YAP1: variants seen among roughly 807,000 people sequenced by gnomAD.
YAP1 encodes the protein Yes1 associated transcriptional regulator, also known as transcriptional coactivator YAP1.
A neutral mutation model predicts 56.9 loss-of-function variants in YAP1; 5 were observed. The ratio of observed to expected loss-of-function variants is 0.09; its 90% CI spans 0.05 to 0.18. The LOEUF is 0.18. Among genes scored for constraint, YAP1 ranks in the 10% least tolerant of loss-of-function variants. The pLI, the probability that YAP1 is intolerant of heterozygous loss-of-function variation, is 1.00. For synonymous variants in YAP1, 265 were observed against 248.1 expected (o/e 1.07, Z -0.64); for missense variants, 539 against 651.8 (o/e 0.83, Z 1.88).
At position 102,229,767 on chromosome 11, in the gene YAP1, A is replaced by T. The variant is rs1308456720; in HGVS notation, c.1342A>T (p.Ile448Phe). The change falls in exon 9 of 9, where the codon ATT (isoleucine) becomes TTT (phenylalanine). Residue 448 changes from isoleucine to phenylalanine, a missense_variant. By Grantham distance (21) the Ile-to-Phe change is conservative. This residue lies in a region of YAP1 where 414 missense variants were observed against 512.4 expected (regional missense o/e 0.81). Coordinates refer to ENST00000282441, the MANE Select transcript of YAP1 (RefSeq NM_001130145.3). Reference protein sequence around the residue: ...QNRFPDYLEAIPGTNVDLGTL... With the variant: ...QNRFPDYLEAFPGTNVDLGTL... ...CCGTTTCCCAGACTACCTTGAAGCCATTCCTGGGACAAATGTGGACCTTGG... is the reference window on the plus strand; with the variant it reads ...CCGTTTCCCAGACTACCTTGAAGCCTTTCCTGGGACAAATGTGGACCTTGG... The T allele has an allele frequency of 6.2e-7, 1 of 1,614,176 alleles. No homozygotes were observed. Among genetic ancestry groups the T allele is most frequent in the Non-Finnish European group, 8.5e-7 (1 of 1,180,016 alleles).
At chr11:102,136,118 C>T (rs1565444668) in intron 2 of YAP1, among the ~76,000 whole-genome samples, 1 of 152,284 alleles carries the variant, frequency 6.6e-6, no homozygotes, top group East Asian at 1.9e-4. Flanking sequence ...GGTACTTTTG[C>T]TGGTCTTCTG....
At chr11:102,134,435 C>T (rs1944553007) in intron 2 of YAP1, among the ~76,000 whole-genome samples, 1 of 149,332 alleles carries the variant, frequency 6.7e-6, no homozygotes, top group Admixed American at 6.7e-5. Context: ...GTACTTTGTC[C>T]TAATATGCTA....
Position 102,162,541 on chromosome 11 carries a change from G to A in YAP1, c.658G>A (p.Val220Met). 6.2e-7 allele frequency: 1 copy of A among 1,614,230 alleles called. No homozygotes were observed. The highest frequency in any genetic ancestry group is 8.5e-7 in the Non-Finnish European group (1 of 1,180,034). Residue 220 changes from valine (V) to methionine (M), a missense_variant, in exon 3 of 9, where the codon GTG (valine) becomes ATG (methionine). Coordinates refer to ENST00000282441, the MANE Select transcript of YAP1 (RefSeq NM_001130145.3). ...CGTCACAGCCCCCACCAGTCCACCA[G>A]TGCAGCAGAATATGATGAACTCGGC... ...MNVTAPTSPP[V>M]QQNMMNSASG...
intron 2 of YAP1, among the ~76,000 whole-genome samples, chr11:102,130,024 G>A (rs939805079): frequency 6.6e-6 from 1 of 151,986 alleles, no homozygotes; most frequent in Non-Finnish European, 1.5e-5. Flanking sequence ...TAATCCACCT[G>A]CCTCAGCTTC....
intron 2 of YAP1, among the ~76,000 whole-genome samples, chr11:102,115,941 T>C (rs1307939975): frequency 6.6e-6 from 1 of 152,226 alleles, no homozygotes; most frequent in Non-Finnish European, 1.5e-5. Context: ...CTTCTTTCTT[T>C]GGTTGATGCT....
intron 4 of YAP1, among the ~76,000 whole-genome samples, chr11:102,204,225 A>AG (rs201602529): frequency 1.4e-4 from 21 of 150,312 alleles, no homozygotes; most frequent in Middle Eastern, 3.4e-3. Context: ...AAGACAGAAA[A>AG]GGGGAAAAAA....
intron 2 of YAP1, among the ~76,000 whole-genome samples, chr11:102,123,407 C>T (rs1426703643): frequency 6.6e-6 from 1 of 152,070 alleles, no homozygotes; most frequent in Non-Finnish European, 1.5e-5. Flanking sequence ...CTGAATCACT[C>T]TTATGGGTTG....
chr11:102,165,855 G>A (rs1946573810), intron 3 of YAP1, among the ~76,000 whole-genome samples: 1 of 152,092 alleles, frequency 6.6e-6, no homozygotes, highest in Non-Finnish European at 1.5e-5. Context: ...TCCTGGAGGC[G>A]CTATTTTTAA....
intron 4 of YAP1, among the ~76,000 whole-genome samples, chr11:102,189,716 A>G (rs1449262526): frequency 6.6e-6 from 1 of 152,178 alleles, no homozygotes; most frequent in African/African-American, 2.4e-5. Context: ...CTTTCTGTGC[A>G]TTTACATACA....
intron 3 of YAP1, among the ~76,000 whole-genome samples, chr11:102,178,186 A>T (rs2135470613): frequency 6.6e-6 from 1 of 152,342 alleles, no homozygotes; most frequent in South Asian, 2.1e-4. Context: ...GAATCATCAT[A>T]AATACACGAG....
chr11:102,170,142 T>G (rs1431323785), intron 3 of YAP1, among the ~76,000 whole-genome samples: 2 of 152,222 alleles, frequency 1.3e-5, no homozygotes, highest in Non-Finnish European at 2.9e-5. Flanking sequence ...GGGCAACTAA[T>G]GGCTTTGATT....
intron 2 of YAP1, among the ~76,000 whole-genome samples, chr11:102,159,415 C>T (rs974830281): frequency 2.0e-5 from 3 of 152,200 alleles, no homozygotes; most frequent in African/African-American, 7.2e-5. Flanking sequence ...TGTTCCTTGC[C>T]TTCAAACCTG....
Position 102,227,504 on chromosome 11 carries a change from G to C in YAP1, c.1199G>C (p.Ser400Thr). 1 of 1,613,980 alleles carries C rather than the reference G, an allele frequency of 6.2e-7. No individual in the cohort carries two copies. The highest frequency in any genetic ancestry group is 2.2e-5 in the East Asian group (1 of 44,880). ...TYHSRDESTD[S>T]GLSMSSYSVP... Reference sequence around the variant, plus strand: ...CACTCTCGAGATGAGAGTACAGACAGTGGACTAAGCATGAGCAGCTACAGT... The same window carrying C: ...CACTCTCGAGATGAGAGTACAGACACTGGACTAAGCATGAGCAGCTACAGT... The change falls in exon 8 of 9, where the codon AGT becomes ACT. Residue 400 changes from serine (S) to threonine (T), a missense_variant. Ser to Thr is a moderately conservative substitution (Grantham distance 58, BLOSUM62 1). Coordinates refer to ENST00000282441, the MANE Select transcript of YAP1 (RefSeq NM_001130145.3).
At chr11:102,131,954 C>T (rs1357686436) in intron 2 of YAP1, among the ~76,000 whole-genome samples, 1 of 151,960 alleles carries the variant, frequency 6.6e-6, no homozygotes, top group Non-Finnish European at 1.5e-5. Context: ...CCTGTCTCTA[C>T]TAAAAATAGA....
chr11:102,154,781 G>A (rs1226551925), intron 2 of YAP1, among the ~76,000 whole-genome samples: 1 of 152,036 alleles, frequency 6.6e-6, no homozygotes, highest in Non-Finnish European at 1.5e-5. Context: ...GTTACTTATT[G>A]GTAATTTAAC....
At chr11:102,162,301 CT>C (rs1176964289) in intron 2 of YAP1, among the ~76,000 whole-genome samples, 154 bp from the exon 3 acceptor site, 2 of 152,180 alleles carry the variant, frequency 1.3e-5, no homozygotes, top group African/African-American at 4.8e-5. Flanking sequence ...TGAAAAATGT[CT>C]GTTGCAGAGG....
chr11:102,212,811 C>T (rs1949474817), intron 6 of YAP1, among the ~76,000 whole-genome samples: 1 of 152,166 alleles, frequency 6.6e-6, no homozygotes, highest in Non-Finnish European at 1.5e-5. Context: ...GAACTCCCAA[C>T]CTCAGGTGAT....
chr11:102,132,023 C>T (rs1272207590), intron 2 of YAP1, among the ~76,000 whole-genome samples: 1 of 152,072 alleles, frequency 6.6e-6, no homozygotes, highest in Non-Finnish European at 1.5e-5. Flanking sequence ...GAGGCTGAGG[C>T]AGGAGAATCG....
In YAP1 at chr11:102,111,183, C is replaced by T. The variant is rs1469938697; in HGVS notation, c.321+14C>T. On this transcript the variant is annotated intron_variant, in intron 1 of 8. Coordinates refer to ENST00000282441, the MANE Select transcript of YAP1 (RefSeq NM_001130145.3). ...CACTCCCGACAGGTAACCTCGTTGC[C>T]CCTCTCCCCGTTTCCCCGTCGGGCG... The T allele has an allele frequency of 1.2e-5, 20 of 1,611,616 alleles. No individual in the cohort carries two copies. The highest frequency in any genetic ancestry group is 4.5e-5 in the East Asian group (2 of 44,628).
Sources: allele counts gnomAD v4.1 joint callset (sites outside exome capture counted in the v4.1 genomes callset), GRCh38; gene constraint gnomAD v4.1.1; regional missense constraint gnomAD v4.1.1; transcripts MANE v1.5; gene names NCBI Gene and HGNC (gene_info 2026-07-23, HGNC 2026-07-21).